TMEM38B: variants seen among roughly 807,000 people sequenced by gnomAD.
TMEM38B encodes the protein transmembrane protein 38B, also known as trimeric intracellular cation channel type B.
Under a neutral mutation model 28.7 loss-of-function variants are expected in TMEM38B, and 24 were observed. The ratio of observed to expected loss-of-function variants is 0.84; its 90% CI spans 0.61 to 1.18. The LOEUF (loss-of-function observed/expected upper bound fraction) is 1.18, where lower values mean the gene tolerates loss of function less well. Among genes scored for constraint, TMEM38B ranks in the 50% most tolerant of loss-of-function variants. The pLI is 0.00. For synonymous variants in TMEM38B, 131 were observed against 127.7 expected, an observed-to-expected ratio of 1.03 and a Z score of -0.17; for missense variants, 380 against 350.9, an observed-to-expected ratio of 1.08 and a Z score of -0.66.
At chr9:105,747,998 G>A (rs1588451479) in intron 4 of TMEM38B, 75 bp from the exon 5 acceptor site, 1 of 936,050 alleles carries the variant, frequency 1.1e-6, no homozygotes, top group East Asian at 2.4e-5. Context: ...TTAATGTTTT[G>A]CAGTGCACTC....
At chr9:105,719,223 G>T (rs910587037) in intron 2 of TMEM38B, among the ~76,000 whole-genome samples, 4 of 152,070 alleles carry the variant, frequency 2.6e-5, no homozygotes, top group Admixed American at 6.5e-5. Flanking sequence ...CGTTTGAGAC[G>T]TTTATTCTTT....
chr9:105,700,851 G>A (rs1004700621), intron 1 of TMEM38B: 1 of 151,972 alleles, frequency 6.6e-6, no homozygotes, highest in African/African-American at 2.4e-5. Flanking sequence ...ACAGCTCAGT[G>A]GATTTTCAAA....
At chr9:105,715,057 G>A (rs373542975) in intron 2 of TMEM38B, among the ~76,000 whole-genome samples, 41 of 152,038 alleles carry the variant, frequency 2.7e-4, no homozygotes, top group African/African-American at 9.2e-4. Flanking sequence ...GTTTCTTAAG[G>A]ACATAGGATG....
chr9:105,741,812 G>A (rs1390912071), intron 4 of TMEM38B, among the ~76,000 whole-genome samples: 1 of 152,138 alleles, frequency 6.6e-6, no homozygotes, highest in Non-Finnish European at 1.5e-5. Context: ...CAATCATTTG[G>A]GAAATTCTCA....
intron 4 of TMEM38B, among the ~76,000 whole-genome samples, chr9:105,728,641 C>T (rs1475452705): frequency 6.6e-6 from 1 of 152,114 alleles, no homozygotes; most frequent in African/African-American, 2.4e-5. Flanking sequence ...ATTTCTAGTT[C>T]TAGATCCTTG....
At chr9:105,734,771 A>G (rs752031339) in intron 4 of TMEM38B, among the ~76,000 whole-genome samples, 9 of 151,332 alleles carry the variant, frequency 5.9e-5, no homozygotes, top group South Asian at 2.1e-4. Context: ...TTTGGTTACC[A>G]TTTGCATGGA....
chr9:105,733,349 G>C (rs1038068261), intron 4 of TMEM38B, among the ~76,000 whole-genome samples: 3 of 151,172 alleles, frequency 2.0e-5, no homozygotes, highest in African/African-American at 7.3e-5. Flanking sequence ...TTTGAATTTG[G>C]TTTACTGATA....
At chr9:105,708,087 T>G (rs1389957955) in intron 2 of TMEM38B, among the ~76,000 whole-genome samples, 4 of 152,176 alleles carry the variant, frequency 2.6e-5, no homozygotes, top group East Asian at 1.9e-4. Flanking sequence ...TCTTGCTGCT[T>G]CTTTGATTAT....
intron 4 of TMEM38B, among the ~76,000 whole-genome samples, chr9:105,744,340 T>C (rs1269877111): frequency 6.6e-6 from 1 of 151,980 alleles, no homozygotes; most frequent in Non-Finnish European, 1.5e-5. Context: ...ATGAGGAGTA[T>C]ATAGGAAGAC....
chr9:105,733,421 C>CTTTTTTTTTTTTTTTT (rs71306454), intron 4 of TMEM38B, among the ~76,000 whole-genome samples: 6 of 127,872 alleles, frequency 4.7e-5, no homozygotes, highest in African/African-American at 1.7e-4. Context: ...TTTCTTTTTT[C>CTTTTTTTTTTTTTTTT]TTTTTTTTTT....
chr9:105,748,137 A>G lies in TMEM38B; in HGVS notation c.607A>G (p.Ile203Val), dbSNP rs775922310. ...FTFQHTQHLAISKHNLMFLYT... is the reference protein window; with the variant it reads ...FTFQHTQHLAVSKHNLMFLYT... ...ATTCCAGCACACCCAGCATCTGGCAATATCAAAGCATAATCTTATGTTCCT... is the reference window on the plus strand; with the variant it reads ...ATTCCAGCACACCCAGCATCTGGCAGTATCAAAGCATAATCTTATGTTCCT... The change falls in exon 5 of 6, where the codon ATA (isoleucine) becomes GTA (valine). Residue 203 changes from isoleucine to valine, a missense_variant. Physicochemically the swap from Ile to Val is conservative, Grantham distance 29 (BLOSUM62 3). Coordinates refer to ENST00000374692, the MANE Select transcript of TMEM38B (RefSeq NM_018112.3). 5.0e-6 allele frequency: 8 copies of G among 1,613,542 alleles called. No individual in the cohort carries two copies. Among genetic ancestry groups the G allele is most frequent in the Non-Finnish European group, 6.8e-6 (8 of 1,179,696 alleles).
intron 4 of TMEM38B, among the ~76,000 whole-genome samples, chr9:105,730,901 C>T (rs570681975): frequency 2.9e-4 from 44 of 152,212 alleles, no homozygotes; most frequent in African/African-American, 8.9e-4. Flanking sequence ...TCTGTGGGAT[C>T]GGTGTTGGTA....
At chr9:105,750,321 A>C (rs1407988420) in intron 5 of TMEM38B, among the ~76,000 whole-genome samples, 2 of 152,082 alleles carry the variant, frequency 1.3e-5, no homozygotes, top group Non-Finnish European at 1.5e-5. Flanking sequence ...TAGAAGCACA[A>C]ACTGGTAAAA....
intron 2 of TMEM38B, chr9:105,710,744 A>G: frequency 1.7e-6 from 1 of 593,072 alleles, no homozygotes; most frequent in South Asian, 1.5e-5. Flanking sequence ...TTCCTGACAA[A>G]CAGAGACATG....
At chr9:105,696,763 A>G (rs1835303249) in intron 1 of TMEM38B, among the ~76,000 whole-genome samples, 1 of 152,214 alleles carries the variant, frequency 6.6e-6, no homozygotes, top group Non-Finnish European at 1.5e-5. Context: ...GATGTGTAGG[A>G]CAGTTGCTTA....
At chr9:105,720,587 G>A (rs975161316) in intron 2 of TMEM38B, among the ~76,000 whole-genome samples, 8 of 152,036 alleles carry the variant, frequency 5.3e-5, no homozygotes, top group Non-Finnish European at 8.8e-5. Context: ...TTATTTAGTC[G>A]CTGAAGCAGT....
At chr9:105,755,219 T>C (rs547624088) in intron 5 of TMEM38B, among the ~76,000 whole-genome samples, 7 of 152,216 alleles carry the variant, frequency 4.6e-5, no homozygotes, top group African/African-American at 1.7e-4. Flanking sequence ...TACAAAGAAT[T>C]GCTGGTACCA....
chr9:105,703,880 C>A (rs1371397174), intron 1 of TMEM38B, among the ~76,000 whole-genome samples: 1 of 151,834 alleles, frequency 6.6e-6, no homozygotes, highest in East Asian at 1.9e-4. Flanking sequence ...CCTTCGCCCA[C>A]TTTTTGATGG....
At chr9:105,759,950 T>G (rs1447675936) in intron 5 of TMEM38B, 6 of 1,577,462 alleles carry the variant, frequency 3.8e-6, no homozygotes, top group Non-Finnish European at 5.2e-6. Flanking sequence ...AGCACAAGTG[T>G]GCAAACAGCT....
Sources: allele counts gnomAD v4.1 joint callset (sites outside exome capture counted in the v4.1 genomes callset), GRCh38; gene constraint gnomAD v4.1.1; transcripts MANE v1.5; gene names NCBI Gene and HGNC (gene_info 2026-07-23, HGNC 2026-07-21).